The following TGFBR3 variants were observed in gnomAD, a reference collection of about 807,000 sequenced individuals.
TGFBR3 encodes transforming growth factor beta receptor type 3.
TGFBR3 carries 46 observed loss-of-function variants against 87.9 expected under a neutral mutation model. The ratio of observed to expected loss-of-function variants is 0.52; its 90% CI spans 0.41 to 0.67. TGFBR3 has a LOEUF of 0.67. Ranked by LOEUF, TGFBR3 falls within the 30% of genes least tolerant of loss-of-function variation. TGFBR3 has a pLI of 0.00. For synonymous variants in TGFBR3, 381 were observed against 391.6 expected (o/e 0.97, Z 0.32); for missense variants, 866 against 1,041.9 (o/e 0.83, Z 2.32).
intron 2 of TGFBR3, among the ~76,000 whole-genome samples, chr1:91,803,126 T>C (rs1378614079): frequency 6.6e-6 from 1 of 152,178 alleles, no homozygotes; most frequent in East Asian, 1.9e-4. Flanking sequence ...AACCTCAACG[T>C]GACTTACAAG....
chr1:91,707,599 TG>T (rs1671837302), intron 14 of TGFBR3, among the ~76,000 whole-genome samples: 1 of 152,186 alleles, frequency 6.6e-6, no homozygotes, highest in African/African-American at 2.4e-5. Flanking sequence ...AGCCAGACAG[TG>T]TGCTGGCTTT....
intron 15 of TGFBR3, among the ~76,000 whole-genome samples, chr1:91,697,152 T>C (rs1178808889): frequency 6.6e-6 from 1 of 152,232 alleles, no homozygotes; most frequent in African/African-American, 2.4e-5. Flanking sequence ...TTTGCCTTTT[T>C]ATACCCACAG....
At chr1:91,805,471 C>T (rs1270382944) in intron 2 of TGFBR3, among the ~76,000 whole-genome samples, 1 of 152,208 alleles carries the variant, frequency 6.6e-6, no homozygotes, top group Admixed American at 6.5e-5. Context: ...GCCCCCTTCA[C>T]CCACAAGATG....
At chr1:91,740,612 G>A (rs1416336071) in intron 4 of TGFBR3, among the ~76,000 whole-genome samples, 2 of 152,088 alleles carry the variant, frequency 1.3e-5, no homozygotes, top group African/African-American at 2.4e-5. Context: ...TGATCCACCT[G>A]CCTCAGCCTT....
At position 91,696,454 on chromosome 1, in the gene TGFBR3, C is replaced by T. The variant is rs574779540; in HGVS notation, c.2330-675G>A. ...AACCATGATCTTTCTATAAGGGGAA[C>T]GGAAATACTTCCCAGTGGGGAGTGA... On this transcript the variant is annotated intron_variant, in intron 15 of 16. Transcript: ENST00000212355. Among the ~76,000 whole-genome samples the T allele has an allele frequency of 1.5e-4, 23 of 152,260 alleles. 1 individual carries two copies. The highest frequency in any genetic ancestry group is 6.5e-4 in the Admixed American group (10 of 15,302).
At chr1:91,843,229 G>T (rs1448955497) in intron 2 of TGFBR3, among the ~76,000 whole-genome samples, 1 of 152,132 alleles carries the variant, frequency 6.6e-6, no homozygotes, top group African/African-American at 2.4e-5. Context: ...TGGGAGATGG[G>T]GCACGCTAAC....
chr1:91,814,993 G>A (rs1676163005), intron 2 of TGFBR3, among the ~76,000 whole-genome samples: 1 of 152,102 alleles, frequency 6.6e-6, no homozygotes, highest in South Asian at 2.1e-4. Context: ...TATACTGTGA[G>A]CAATTTATAA....
chr1:91,777,568 C>T (rs1674608131), intron 3 of TGFBR3, among the ~76,000 whole-genome samples: 1 of 151,402 alleles, frequency 6.6e-6, no homozygotes, highest in African/African-American at 2.4e-5. Flanking sequence ...GCAATGCCTT[C>T]CCCCAGCCCC....
At chr1:91,728,036 C>T (rs1446182030) in intron 6 of TGFBR3, 1 of 563,870 alleles carries the variant, frequency 1.8e-6, no homozygotes, top group Admixed American at 3.0e-5. Context: ...TAAAGTTTTT[C>T]TCTTCTTTGA....
At chr1:91,692,109 A>G (rs1411506158) in intron 16 of TGFBR3, among the ~76,000 whole-genome samples, 2 of 152,148 alleles carry the variant, frequency 1.3e-5, no homozygotes, top group African/African-American at 4.8e-5. Flanking sequence ...ATTATACTAC[A>G]TGAGTTAACT....
At chr1:91,784,445 C>T (rs766750059) in intron 3 of TGFBR3, among the ~76,000 whole-genome samples, 1 of 152,224 alleles carries the variant, frequency 6.6e-6, no homozygotes, top group Non-Finnish European at 1.5e-5. Context: ...GCAGTCCACT[C>T]ACCAGCTGAG....
chr1:91,705,475 C>T (rs1571424103), intron 14 of TGFBR3, among the ~76,000 whole-genome samples: 2 of 152,050 alleles, frequency 1.3e-5, no homozygotes, highest in East Asian at 1.9e-4. Context: ...GTGATCCACT[C>T]GCCTCGGCCT....
intron 3 of TGFBR3, among the ~76,000 whole-genome samples, chr1:91,794,529 G>A (rs773561583): frequency 2.6e-5 from 4 of 152,026 alleles, no homozygotes; most frequent in Non-Finnish European, 4.4e-5. Flanking sequence ...AACATGTAAC[G>A]TTTAGCAGTC....
chr1:91,729,033 T>TACACAC lies in TGFBR3; in HGVS notation c.737+766_737+771dup, dbSNP rs56158224. Among the ~76,000 whole-genome samples the TACACAC allele has an allele frequency of 1.3e-3, 119 of 89,656 alleles. 4 individuals are homozygous for TACACAC. The highest frequency in any genetic ancestry group is 7.8e-3 in the South Asian group (15 of 1,926). The allele number at this position is 89,656 out of a possible 152,430, so 58.8% of individuals were successfully genotyped here. A position where few individuals can be genotyped will look rare whatever the true frequency, so the allele number is the denominator to read the frequency against. ...GTCACCATGAAGGGCCACTCCAGCA[T>TACACAC]ACACACACACACACACACACACACA... On this transcript the variant is annotated intron_variant, in intron 6 of 16. Coordinates refer to ENST00000212355, the MANE Select transcript of TGFBR3 (RefSeq NM_003243.5).
chr1:91,894,380 A>G (rs1679510844), intron 2 of TGFBR3, among the ~76,000 whole-genome samples: 1 of 152,132 alleles, frequency 6.6e-6, no homozygotes, highest in Non-Finnish European at 1.5e-5. Context: ...TAAAAATCTT[A>G]CTTGACCCCA....
chr1:91,825,976 C>CT (rs1676619124), intron 2 of TGFBR3, among the ~76,000 whole-genome samples: 1 of 12,096 alleles, frequency 8.3e-5, no homozygotes, highest in Non-Finnish European at 2.1e-4. Context: ...GAGACCCCAT[C>CT]TCAAAAAAAA....
intron 1 of TGFBR3, among the ~76,000 whole-genome samples, chr1:91,878,984 G>A (rs1216224962): frequency 1.3e-5 from 2 of 152,074 alleles, no homozygotes; most frequent in Non-Finnish European, 2.9e-5. Flanking sequence ...CATTAAAGTG[G>A]GCTTGCGGGC....
intron 1 of TGFBR3, among the ~76,000 whole-genome samples, chr1:91,903,098 G>A (rs1279118863): frequency 1.3e-5 from 2 of 151,000 alleles, no homozygotes; most frequent in Non-Finnish European, 2.9e-5. Flanking sequence ...TTGGCAGGCC[G>A]AGATGGTGGG....
chr1:91,764,156 T>C (rs1674077530), intron 3 of TGFBR3, among the ~76,000 whole-genome samples: 2 of 151,816 alleles, frequency 1.3e-5, no homozygotes, highest in South Asian at 4.2e-4. Flanking sequence ...GGTCAAATGG[T>C]ATCAAGCTCT....
Sources: allele counts gnomAD v4.1 joint callset (sites outside exome capture counted in the v4.1 genomes callset), GRCh38; gene constraint gnomAD v4.1.1; transcripts MANE v1.5; gene names NCBI Gene and HGNC (gene_info 2026-07-23, HGNC 2026-07-21).